The following CPT1C variants were observed in gnomAD, a reference collection of about 807,000 sequenced individuals.
CPT1C encodes the protein palmitoyl thioesterase CPT1C.
Under a neutral mutation model 97.3 loss-of-function variants are expected in CPT1C, and 61 were observed. The ratio of observed to expected loss-of-function variants is 0.63; its 90% confidence interval spans 0.51 to 0.78. The LOEUF is 0.78. Ranked by LOEUF, CPT1C falls within the 30% of genes least tolerant of loss-of-function variation. The pLI, the probability that CPT1C is intolerant of heterozygous loss-of-function variation, is 0.00. For missense variants in CPT1C, 975 were observed against 1,065.5 expected (o/e 0.92, Z 1.18); for synonymous variants, 469 against 447.2 (o/e 1.05, Z -0.61).
rs757536361 is a variant in CPT1C at position 49,712,868 on chromosome 19, G to A, written c.2133+19G>A. The stretch of plus-strand genomic sequence containing the variant: ...CGGGCCTGTGAGTGGAGCTGGGCGC[G>A]CTGGCCCCCAGAGGAAAGAGGGGGC... On this transcript the variant is annotated intron_variant, in intron 18 of 19. Coordinates refer to ENST00000598293, the MANE Select transcript of CPT1C (RefSeq NM_001199753.2). 2.5e-6 allele frequency: 4 copies of A among 1,599,682 alleles called. No individual in the cohort carries two copies. Among genetic ancestry groups the A allele is most frequent in the Non-Finnish European group, 3.4e-6 (4 of 1,167,062 alleles).
chr19:49,700,562 G>T, intron 4 of CPT1C, 122 bp from the exon 5 acceptor site: 3 of 1,086,748 alleles, frequency 2.8e-6, no homozygotes, highest in Admixed American at 2.1e-5. Context: ...CTACTAAAAT[G>T]ACAAAAATGG....
In CPT1C at chr19:49,705,909, A is replaced by G; in HGVS notation, c.965A>G (p.Asp322Gly). Reference protein sequence around the residue: ...NTTRIPGVQKDYIRHLHDSQH... With the variant: ...NTTRIPGVQKGYIRHLHDSQH... ...ATGCTTCTGCCAACGCCACCCCTAGACTACATCCGCCACCTCCATGACAGC... is the reference window on the plus strand; with the variant it reads ...ATGCTTCTGCCAACGCCACCCCTAGGCTACATCCGCCACCTCCATGACAGC... The change falls in exon 11 of 20, where the codon GAC becomes GGC. Residue 322 changes from aspartate to glycine, a missense_variant and splice_region_variant. Physicochemically the swap from Asp to Gly is moderately conservative, Grantham distance 94. Around this residue, in one of 3 missense-constraint regions of CPT1C, gnomAD observed 596 missense variants for 603.1 expected, o/e 0.99. Transcript: ENST00000598293. 6.2e-7 allele frequency: 1 copy of G among 1,612,388 alleles called. No homozygotes were observed. The highest frequency in any genetic ancestry group is 1.1e-5 in the South Asian group (1 of 90,974).
Position 49,706,304 on chromosome 19 carries a change from G to T in CPT1C, c.1234G>T (p.Ala412Ser). 3 of 1,531,486 alleles carry T rather than the reference G, an allele frequency of 2.0e-6. No individual in the cohort carries two copies. Among genetic ancestry groups the T allele is most frequent in the African/African-American group, 2.8e-5 (2 of 70,390 alleles). The allele number at this position is 1,531,486 out of a possible 1,614,324, so 94.9% of individuals were successfully genotyped here. The stretch of plus-strand genomic sequence containing the variant: ...GGCCCTGGAGGCGGTGGAAGGGGCC[G>T]CTTTCTTTGTGTCACTGGATGCTGA... ...AEALEAVEGA[A>S]FFVSLDAEPA... Residue 412 changes from alanine to serine, a missense_variant, in exon 12 of 20, where the codon GCT (alanine) becomes TCT (serine). Coordinates refer to ENST00000598293, the MANE Select transcript of CPT1C (RefSeq NM_001199753.2). This position sits in a 1 kb window ranked among gnomAD's most constrained non-coding sequence, Gnocchi z 4.8.
chr19:49,704,971 C>T lies in CPT1C; in HGVS notation c.772-36C>T, dbSNP rs202235636. 1.9e-4 allele frequency: 298 copies of T among 1,539,572 alleles called. 1 individual carries two copies. In the African/African-American group the frequency reaches 3.7e-3, roughly 19 times the overall value. On this transcript the variant is annotated intron_variant, in intron 8 of 19. Coordinates refer to ENST00000598293, the MANE Select transcript of CPT1C (RefSeq NM_001199753.2). Reference sequence around the variant, plus strand: ...TGGCTCCATCGGGGGCAAACCTGACCCTGGGTGTTTTGCCATCCCCTCTCC... The same window carrying T: ...TGGCTCCATCGGGGGCAAACCTGACTCTGGGTGTTTTGCCATCCCCTCTCC...
chr19:49,706,376 T>C lies in CPT1C; in HGVS notation c.1306T>C (p.Tyr436His). 2 of 1,508,764 alleles carry C rather than the reference T, an allele frequency of 1.3e-6. No homozygotes were observed. Among genetic ancestry groups the C allele is most frequent in the Non-Finnish European group, 1.8e-6 (2 of 1,134,954 alleles). 93.5% of individuals were successfully genotyped at this position (1,508,764 alleles called of 1,614,324 possible). The change falls in exon 12 of 20, where the codon TAC (tyrosine) becomes CAC (histidine). Residue 436 changes from tyrosine (Y) to histidine (H), a missense_variant. By Grantham distance (83) the Tyr-to-His change is moderately conservative (BLOSUM62 2). Transcript: ENST00000598293. This position sits in a 1 kb window ranked among gnomAD's most constrained non-coding sequence, Gnocchi z 4.8. The stretch of plus-strand genomic sequence containing the variant: ...GGACCCGGCAGCGTCGTTGGATGCC[T>C]ACGCCCATGCTCTGCTGGCCGGCCG... ...REDPAASLDAYAHALLAGRGH... is the reference protein window; with the variant it reads ...REDPAASLDAHAHALLAGRGH...
Position 49,706,435 on chromosome 19 carries a change from G to T in CPT1C, c.1343+22G>T. ...ATCGGTGAGTGAGTCTTGGGATGGG[G>T]CCCCCAGATGTGGCACCCGAGAATC... On this transcript the variant is annotated intron_variant, in intron 12 of 19. Coordinates refer to ENST00000598293, the MANE Select transcript of CPT1C (RefSeq NM_001199753.2). This position sits in a 1 kb window ranked among gnomAD's most constrained non-coding sequence, Gnocchi z 4.8. 2.8e-6 allele frequency: 4 copies of T among 1,441,780 alleles called. No individual in the cohort carries two copies. Among genetic ancestry groups the T allele is most frequent in the Non-Finnish European group, 3.6e-6 (4 of 1,105,108 alleles). The allele number at this position is 1,441,780 out of a possible 1,614,324, so 89.3% of individuals were successfully genotyped here.
At position 49,711,910 on chromosome 19, in the gene CPT1C, G is replaced by C. The variant is rs369591453; in HGVS notation, c.1968G>C (p.Ala656=). The change falls in exon 17 of 20, where the codon GCG becomes GCC. Residue 656 remains alanine, a synonymous_variant. Coordinates refer to ENST00000598293, the MANE Select transcript of CPT1C (RefSeq NM_001199753.2). Reference sequence around the variant, plus strand: ...AGGGAGTTGACCGCCACCTGTTTGCGCTGTACATCGTGTCCCGATTCCTCC... The same window carrying C: ...AGGGAGTTGACCGCCACCTGTTTGCCCTGTACATCGTGTCCCGATTCCTCC... ...SGQGVDRHLF[A]LYIVSRFLHL... 5.0e-6 allele frequency: 8 copies of C among 1,614,170 alleles called. No individual in the cohort carries two copies. The highest frequency in any genetic ancestry group is 6.8e-6 in the Non-Finnish European group (8 of 1,180,036).
chr19:49,695,305 C>T (rs1227888382), intron 3 of CPT1C, among the ~76,000 whole-genome samples: 6 of 97,290 alleles, frequency 6.2e-5, no homozygotes, highest in South Asian at 3.3e-4. Context: ...TTTTTTGAGA[C>T]GGAGTTTTGT....
chr19:49,707,746 T>A, intron 13 of CPT1C, 123 bp downstream of exon 13: 1 of 594,154 alleles, frequency 1.7e-6, no homozygotes, highest in Non-Finnish European at 2.8e-6. Flanking sequence ...TTCATGCCTG[T>A]AATCCCAGCA....
Position 49,706,481 on chromosome 19 carries a change from C to A in CPT1C, c.1343+68C>A. ...GAATCCAGTATCAGACCTAGGACCC[C>A]TGACAGTAGACAGCCAGACCCTGGA... is the stretch of plus-strand genomic sequence containing the variant. On this transcript the variant is annotated intron_variant, in intron 12 of 19. Transcript: ENST00000598293. The surrounding 1 kb of genome is among the most constrained non-coding windows in gnomAD (Gnocchi z 4.8). 7.5e-7 allele frequency: 1 copy of A among 1,332,078 alleles called. No homozygotes were observed. The highest frequency in any genetic ancestry group is 9.7e-7 in the Non-Finnish European group (1 of 1,028,330). 82.5% of individuals were successfully genotyped at this position (1,332,078 alleles called of 1,614,324 possible). A position where few individuals can be genotyped will look rare whatever the true frequency, so the allele number is the denominator to read the frequency against.
rs774599585 is a variant in CPT1C at position 49,701,538 on chromosome 19, C to A, written c.597C>A (p.Phe199Leu). 3 of 1,612,358 alleles carry A rather than the reference C, an allele frequency of 1.9e-6. No homozygotes were observed. Among genetic ancestry groups the A allele is most frequent in the Non-Finnish European group, 2.5e-6 (3 of 1,179,016 alleles). The change falls in exon 7 of 20, where the codon TTC becomes TTA. Residue 199 changes from phenylalanine (F) to leucine (L), a missense_variant. Physicochemically the swap from Phe to Leu is conservative, Grantham distance 22. Coordinates refer to ENST00000598293, the MANE Select transcript of CPT1C (RefSeq NM_001199753.2). ...GGCCCATCCTCTCCGACGAGGACTT[C>A]GACTGGACCGCGGTCCTGGCGCAGG... Reference protein sequence around the residue: ...SVRPILSDEDFDWTAVLAQEF... With the variant: ...SVRPILSDEDLDWTAVLAQEF...
rs1377899181 is a variant in CPT1C, at chr19:49,691,980, GGGCTGGGGCCTGGGCTTCTGGGTCT to G, written c.-15+93_-15+117del. 1,490 of 457,948 alleles carry G rather than the reference GGGCTGGGGCCTGGGCTTCTGGGTCT, an allele frequency of 3.3e-3. 78 individuals carry two copies. The Admixed American group carries it at 0.049, about 15-fold the overall frequency. 28.4% of individuals were successfully genotyped at this position (457,948 alleles called of 1,614,324 possible). ...TGAGATCCCGGGTCTGAGGGAGGAG[GGGCTGGGGCCTGGGCTTCTGGGTCT>G]GAGGGAGGAGGGGCTGGGGGCCTGG... On this transcript the variant is annotated intron_variant, in intron 2 of 19. Transcript: ENST00000598293.
In CPT1C at chr19:49,707,519, T is replaced by C. The variant is rs767782000; in HGVS notation, c.1345T>C (p.Trp449Arg). Residue 449 changes from tryptophan (W) to arginine (R), a missense_variant and splice_region_variant, in exon 13 of 20, where the codon TGG (tryptophan) becomes CGG (arginine). Physicochemically the swap from Trp to Arg is moderately radical, Grantham distance 101. Around this residue, in one of 3 missense-constraint regions of CPT1C, gnomAD observed 596 missense variants for 603.1 expected, o/e 0.99. Transcript: ENST00000598293. ...ACCCATCTGAACTCTCCCTGACAGC[T>C]GGTTTGACAAATCCTTCACCCTAAT... ...ALLAGRGHDR[W>R]FDKSFTLIVF... 6.2e-7 allele frequency: 1 copy of C among 1,613,166 alleles called. No homozygotes were observed. The highest frequency in any genetic ancestry group is 8.5e-7 in the Non-Finnish European group (1 of 1,179,296).
intron 2 of CPT1C, 93 bp downstream of exon 2, chr19:49,691,982 G>A (rs112631692): frequency 0.022 from 10,038 of 455,648 alleles, 486 homozygotes; most frequent in East Asian, 0.15. Context: ...GGGAGGAGGG[G>A]CTGGGGCCTG....
chr19:49,708,697 C>T lies in CPT1C; in HGVS notation c.1450-26C>T. The T allele has an allele frequency of 1.9e-6, 3 of 1,551,120 alleles. No homozygotes were observed. In the South Asian group the frequency reaches 3.3e-5, roughly 17 times the overall value. On this transcript the variant is annotated intron_variant, in intron 13 of 19. Transcript: ENST00000598293. Reference sequence around the variant, plus strand: ...GCCTCAGTCCACAGGGAGGAAGGGACTCTAACAGCCTCTGTTTGCCCACAG... The same window carrying T: ...GCCTCAGTCCACAGGGAGGAAGGGATTCTAACAGCCTCTGTTTGCCCACAG...
chr19:49,706,883 T>G lies in CPT1C; in HGVS notation c.1343+470T>G, dbSNP rs547090919. On this transcript the variant is annotated intron_variant, in intron 12 of 19. Transcript: ENST00000598293. This position sits in a 1 kb window ranked among gnomAD's most constrained non-coding sequence, Gnocchi z 4.8. The stretch of plus-strand genomic sequence containing the variant: ...TTCCAGACCTAGAGATTCTCAGGCC[T>G]GGCAGGCATCACTGAATTCCTAGGC... 6.6e-6 allele frequency among the ~76,000 whole-genome samples: 1 copy of G among 152,178 alleles called. No individual in the cohort carries two copies. The highest frequency in any genetic ancestry group is 1.5e-5 in the Non-Finnish European group (1 of 68,032).
At chr19:49,708,680 C>A in intron 13 of CPT1C, 43 bp from the exon 14 acceptor site, 1 of 1,457,062 alleles carries the variant, frequency 6.9e-7, no homozygotes, top group Non-Finnish European at 9.6e-7. Flanking sequence ...TGGCCTCAGT[C>A]CACAGGGAGG....
chr19:49,696,792 C>G (rs2082701768), intron 3 of CPT1C, among the ~76,000 whole-genome samples: 1 of 151,878 alleles, frequency 6.6e-6, no homozygotes, highest in Non-Finnish European at 1.5e-5. Context: ...GCCACCATGC[C>G]CGGCTAATTT....
chr19:49,700,209 A>G (rs977175174), intron 4 of CPT1C, among the ~76,000 whole-genome samples: 3 of 147,424 alleles, frequency 2.0e-5, no homozygotes, highest in Admixed American at 6.8e-5. Context: ...ATAGCACCAC[A>G]GCACTCCAGC....
Sources: allele counts gnomAD v4.1 joint callset (sites outside exome capture counted in the v4.1 genomes callset), GRCh38; gene constraint gnomAD v4.1.1; regional missense constraint gnomAD v4.1.1; non-coding constraint Gnocchi (gnomAD v3.1); transcripts MANE v1.5; gene names NCBI Gene and HGNC (gene_info 2026-07-23, HGNC 2026-07-21).